Variants in CUX1 observed in about 807,000 individuals in gnomAD.
CUX1 encodes the protein cut like homeobox 1, also known as protein CASP.
CUX1 carries 31 observed loss-of-function variants against 158.8 expected under a neutral mutation model. The ratio of observed to expected loss-of-function variants is 0.20; its 90% CI spans 0.15 to 0.26. CUX1 has a LOEUF of 0.26. CUX1 is among the 10% of genes least tolerant of loss of function. CUX1 has a pLI of 1.00. For missense variants in CUX1, 1,589 were observed against 2,014.6 expected (o/e 0.79, Z 4.04); for synonymous variants, 879 against 862.1 (o/e 1.02, Z -0.34).
intron 1 of CUX1, among the ~76,000 whole-genome samples, chr7:101,898,842 C>T (rs180794328): frequency 1.3e-5 from 2 of 152,196 alleles, no homozygotes; most frequent in East Asian, 1.9e-4. Context: ...CTGCCTGCTT[C>T]GGCCCCCCAC....
intron 1 of CUX1, among the ~76,000 whole-genome samples, chr7:101,910,779 G>C (rs1357083629): frequency 1.3e-5 from 2 of 151,802 alleles, no homozygotes; most frequent in African/African-American, 4.8e-5. Flanking sequence ...AATCCAAATG[G>C]ATCTCTGGTG....
chr7:101,995,929 A>G (rs1385627746), intron 2 of CUX1, among the ~76,000 whole-genome samples: 2 of 152,102 alleles, frequency 1.3e-5, no homozygotes, highest in African/African-American at 4.8e-5. Context: ...CCTGGGTAAA[A>G]TGTAGAAACT....
intron 2 of CUX1, among the ~76,000 whole-genome samples, chr7:101,975,057 G>T (rs1171502963): frequency 6.6e-6 from 1 of 152,080 alleles, no homozygotes; most frequent in African/African-American, 2.4e-5. Context: ...AGACCAGCCT[G>T]GCCAACATGG....
chr7:102,227,776 G>A, intron 21 of CUX1, 107 bp downstream of exon 21: 1 of 1,129,958 alleles, frequency 8.8e-7, no homozygotes, highest in Non-Finnish European at 1.3e-6. Context: ...CTCAACTTGT[G>A]TAGGCACCCT....
chr7:102,207,665 C>T (rs969945287), intron 20 of CUX1, among the ~76,000 whole-genome samples: 18 of 151,996 alleles, frequency 1.2e-4, no homozygotes, highest in Non-Finnish European at 2.1e-4. Context: ...TTGGCCAGGC[C>T]GGTCTCGAAC....
chr7:102,130,994 C>T (rs1833156328), intron 8 of CUX1, among the ~76,000 whole-genome samples: 2 of 151,162 alleles, frequency 1.3e-5, no homozygotes, highest in Non-Finnish European at 2.9e-5. Context: ...ACTGAAAATA[C>T]GAAAATTAGC....
At chr7:102,049,065 C>T (rs1212065286) in intron 3 of CUX1, among the ~76,000 whole-genome samples, 3 of 152,012 alleles carry the variant, frequency 2.0e-5, no homozygotes, top group Non-Finnish European at 4.4e-5. Context: ...CCCTGCTTTG[C>T]TGCTGTTCTT....
At chr7:102,214,821 C>A (rs782362490) in intron 20 of CUX1, among the ~76,000 whole-genome samples, 4 of 152,224 alleles carry the variant, frequency 2.6e-5, no homozygotes, top group Non-Finnish European at 4.4e-5. Context: ...CTAGATTTTG[C>A]GTTTACTTCT....
chr7:102,023,685 A>G (rs1465947490), intron 2 of CUX1, among the ~76,000 whole-genome samples: 1 of 152,220 alleles, frequency 6.6e-6, no homozygotes, highest in Non-Finnish European at 1.5e-5. Context: ...TAATATTTGC[A>G]GGCAGCAGAA....
chr7:102,119,370 A>G (rs1043750346), intron 8 of CUX1, among the ~76,000 whole-genome samples: 3 of 152,208 alleles, frequency 2.0e-5, no homozygotes, highest in East Asian at 3.9e-4. Context: ...AGTCATCGCC[A>G]TGCGTCAGCT....
chr7:102,209,267 A>G (rs1314044686), intron 20 of CUX1, among the ~76,000 whole-genome samples: 1 of 152,006 alleles, frequency 6.6e-6, no homozygotes, highest in Non-Finnish European at 1.5e-5. Context: ...TTTCATTCAC[A>G]TCATCACTTT....
chr7:102,028,817 G>C (rs1820372407), intron 3 of CUX1, among the ~76,000 whole-genome samples: 1 of 152,124 alleles, frequency 6.6e-6, no homozygotes, highest in Admixed American at 6.6e-5. Flanking sequence ...TGAAGATTCA[G>C]TGATGTTTAG....
At chr7:102,165,758 G>A (rs1317919575) in intron 9 of CUX1, among the ~76,000 whole-genome samples, 1 of 152,164 alleles carries the variant, frequency 6.6e-6, no homozygotes, top group African/African-American at 2.4e-5. Context: ...TCTAGGATGA[G>A]GTGACCTCGT....
At chr7:101,980,327 A>G (rs1346954463) in intron 2 of CUX1, among the ~76,000 whole-genome samples, 1 of 152,034 alleles carries the variant, frequency 6.6e-6, no homozygotes, top group Non-Finnish European at 1.5e-5. Flanking sequence ...GCAACATAGC[A>G]AGACCCTGTT....
Position 102,250,062 on chromosome 7 carries a change from G to GAAAAAAAAAAA in CUX1, c.*1022_*1032dup, listed in dbSNP as rs556237321. 2 of 551,556 alleles carry GAAAAAAAAAAA rather than the reference G, an allele frequency of 3.6e-6. No individual in the cohort carries two copies. 34.2% of individuals were successfully genotyped at this position (551,556 alleles called of 1,614,324 possible). ...TCAGGACAAAAAAAAGAAAAAAAAA[G>GAAAAAAAAAAA]AAAAAAAAAAAAGAAAAGATCCGAA... On this transcript the variant is annotated 3_prime_UTR_variant, in exon 24 of 24. Transcript: ENST00000292535.
Position 102,257,898 on chromosome 7 carries a change from CTTTTT to C in CUX1, c.*8868_*8872del. The C allele has an allele frequency of 7.8e-6, 7 of 892,812 alleles. No individual in the cohort carries two copies. The highest frequency in any genetic ancestry group is 9.2e-6 in the Non-Finnish European group (7 of 758,452). The allele number at this position is 892,812 out of a possible 1,614,324, so 55.3% of individuals were successfully genotyped here. ...GAAAAAAGGAAAAAAAAAAAGTCGT[CTTTTT>C]TTTTTTTTTTTGTACAAATCGCTTT... On this transcript the variant is annotated 3_prime_UTR_variant, in exon 24 of 24. Coordinates refer to ENST00000292535, the MANE Select transcript of CUX1 (RefSeq NM_181552.4).
At chr7:102,141,013 A>T (rs573316194) in intron 8 of CUX1, among the ~76,000 whole-genome samples, 1 of 152,234 alleles carries the variant, frequency 6.6e-6, no homozygotes, top group Admixed American at 6.5e-5. Flanking sequence ...ATTAGACAGG[A>T]TGGAGGGCGT....
intron 1 of CUX1, among the ~76,000 whole-genome samples, chr7:101,841,118 C>T (rs562361028): frequency 1.9e-3 from 288 of 152,248 alleles, no homozygotes; most frequent in Non-Finnish European, 3.3e-3. Flanking sequence ...TGGTCTCGAT[C>T]TCCTGACTTT....
At chr7:102,107,165 T>G (rs1168024517) in intron 6 of CUX1, among the ~76,000 whole-genome samples, 1 of 149,720 alleles carries the variant, frequency 6.7e-6, no homozygotes, top group Non-Finnish European at 1.5e-5. Context: ...GGTCAGGAGT[T>G]CCAGGCTGCA....
Sources: allele counts gnomAD v4.1 joint callset (sites outside exome capture counted in the v4.1 genomes callset), GRCh38; gene constraint gnomAD v4.1.1; transcripts MANE v1.5; gene names NCBI Gene and HGNC (gene_info 2026-07-23, HGNC 2026-07-21).